SMAD9: variants seen among roughly 807,000 people sequenced by gnomAD.
The protein encoded by SMAD9 is MAD homolog 9.
A neutral mutation model predicts 46.1 loss-of-function variants in SMAD9; 36 were observed. That is an observed-to-expected ratio of 0.78 (90% CI 0.60 to 1.03). The LOEUF is 1.03. Ranked by LOEUF, SMAD9 falls within the 50% of genes least tolerant of loss-of-function variation. The pLI, the probability that SMAD9 is intolerant of heterozygous loss-of-function variation, is 0.00. For missense variants in SMAD9, 572 were observed against 599.8 expected (o/e 0.95, Z 0.48); for synonymous variants, 245 against 237.1 (o/e 1.03, Z -0.31).
intron 1 of SMAD9, among the ~76,000 whole-genome samples, chr13:36,919,853 G>A (rs1387774622): frequency 3.0e-5 from 3 of 99,696 alleles, no homozygotes; most frequent in Non-Finnish European, 5.7e-5. Flanking sequence ...ACCCCAGACA[G>A]GCTCCACCAA....
intron 1 of SMAD9, among the ~76,000 whole-genome samples, chr13:36,917,945 A>C (rs2058711482): frequency 6.6e-6 from 1 of 152,112 alleles, no homozygotes; most frequent in Non-Finnish European, 1.5e-5. Context: ...TTTATGAAAC[A>C]ATTTCTGGAC....
intron 3 of SMAD9, among the ~76,000 whole-genome samples, chr13:36,869,123 G>T (rs2058263858): frequency 6.6e-6 from 1 of 152,112 alleles, no homozygotes; most frequent in African/African-American, 2.4e-5. Flanking sequence ...GGGAAATACG[G>T]AGCTATTGTT....
intron 6 of SMAD9, chr13:36,852,043 C>T (rs879408021): frequency 3.2e-5 from 31 of 971,472 alleles, no homozygotes; most frequent in African/African-American, 1.4e-4. Flanking sequence ...GAAAAGATTT[C>T]GAAGTTATTT....
chr13:36,881,685 A>C (rs1390006730), intron 1 of SMAD9, among the ~76,000 whole-genome samples: 1 of 152,160 alleles, frequency 6.6e-6, no homozygotes, highest in Non-Finnish European at 1.5e-5. Flanking sequence ...TTTGACTTAC[A>C]CTCAGTTTTA....
intron 3 of SMAD9, among the ~76,000 whole-genome samples, chr13:36,871,741 T>C (rs906732124): frequency 3.9e-5 from 6 of 152,162 alleles, no homozygotes; most frequent in Non-Finnish European, 8.8e-5. Flanking sequence ...AGGAACTAAG[T>C]AACTGAGAGG....
intron 4 of SMAD9, among the ~76,000 whole-genome samples, chr13:36,866,459 CCTT>C (rs1034593838): frequency 6.6e-6 from 1 of 152,086 alleles, no homozygotes; most frequent in Admixed American, 6.6e-5. Context: ...GTTCAGAGTT[CCTT>C]CTTTCTTTGC....
At chr13:36,852,318 T>C (rs1007957190) in intron 6 of SMAD9, 2 of 985,232 alleles carry the variant, frequency 2.0e-6, no homozygotes, top group Non-Finnish European at 1.2e-6. Context: ...CTGGATGGAA[T>C]CATGGCAGTA....
intron 1 of SMAD9, among the ~76,000 whole-genome samples, chr13:36,908,336 A>G (rs188482100): frequency 9.8e-5 from 15 of 152,340 alleles, no homozygotes; most frequent in African/African-American, 3.4e-4. Flanking sequence ...GTCAAAACAA[A>G]TAATTAAATA....
At chr13:36,858,951 T>A (rs756186678) in intron 5 of SMAD9, among the ~76,000 whole-genome samples, 20 of 152,100 alleles carry the variant, frequency 1.3e-4, no homozygotes, top group Non-Finnish European at 2.8e-4. Context: ...GCTCAAGCAA[T>A]CCACCCACCT....
At chr13:36,876,637 A>C (rs981879802) in intron 2 of SMAD9, among the ~76,000 whole-genome samples, 6 of 152,234 alleles carry the variant, frequency 3.9e-5, no homozygotes, top group African/African-American at 1.4e-4. Flanking sequence ...TTAAAAAAAT[A>C]AAAACTGATC....
intron 1 of SMAD9, among the ~76,000 whole-genome samples, chr13:36,907,874 C>T (rs1456534764): frequency 1.3e-5 from 2 of 152,120 alleles, no homozygotes; most frequent in South Asian, 2.1e-4. Flanking sequence ...AATGTGCCAT[C>T]GGTACCTGGA....
intron 1 of SMAD9, 128 bp from the exon 2 acceptor site, chr13:36,880,003 A>AG (rs1228546169): frequency 2.5e-6 from 1 of 399,260 alleles, no homozygotes; most frequent in Non-Finnish European, 4.7e-6. Context: ...GCTCGAGCCC[A>AG]GGAGGTCAAG....
At chr13:36,891,653 C>A (rs1272520280) in intron 1 of SMAD9, among the ~76,000 whole-genome samples, 1 of 152,186 alleles carries the variant, frequency 6.6e-6, no homozygotes, top group Non-Finnish European at 1.5e-5. Flanking sequence ...CTGGCACCCA[C>A]AGGACAGCTT....
chr13:36,875,593 C>T (rs936485265), intron 2 of SMAD9, among the ~76,000 whole-genome samples: 3 of 152,174 alleles, frequency 2.0e-5, no homozygotes, highest in Non-Finnish European at 4.4e-5. Flanking sequence ...TTATGTGCCT[C>T]ATGAATAGTC....
At chr13:36,917,325 C>T (rs2058706074) in intron 1 of SMAD9, among the ~76,000 whole-genome samples, 1 of 151,766 alleles carries the variant, frequency 6.6e-6, no homozygotes, top group African/African-American at 2.4e-5. Flanking sequence ...AGGACATGGA[C>T]ATTCACCAGG....
intron 1 of SMAD9, among the ~76,000 whole-genome samples, chr13:36,881,397 G>T (rs1593592289): frequency 6.6e-6 from 1 of 152,204 alleles, no homozygotes; most frequent in East Asian, 1.9e-4. Flanking sequence ...TTTCTCCTTT[G>T]CTTCCCTGGA....
In SMAD9 at chr13:36,905,062, G is replaced by A. The variant is rs537997939; in HGVS notation, c.-187+15054C>T. On this transcript the variant is annotated intron_variant, in intron 1 of 6. Coordinates refer to ENST00000379826, the MANE Select transcript of SMAD9 (RefSeq NM_001127217.3). ...AGACGGAGATGATTTTGCCCCCCAC[G>A]GGACATCTGGCAATGCCTACAGAAA... is the stretch of plus-strand genomic sequence containing the variant. Among the ~76,000 whole-genome samples the A allele has an allele frequency of 5.3e-5, 8 of 152,236 alleles. No homozygotes were observed. In the East Asian group the frequency reaches 1.4e-3, roughly 26 times the overall value.
rs1353127813 is a variant in SMAD9, at chr13:36,845,988, G to A, written c.*2688C>T. The stretch of plus-strand genomic sequence containing the variant: ...CTTGATTTTTGTTTAGAGACAGGGT[G>A]TCACTTTGTCACCCAGGCTAGAATG... On this transcript the variant is annotated 3_prime_UTR_variant, in exon 7 of 7. Transcript: ENST00000379826. 1.3e-5 allele frequency: 2 copies of A among 151,990 alleles called. No individual in the cohort carries two copies. The highest frequency in any genetic ancestry group is 1.3e-4 in the Admixed American group (2 of 15,264). The allele number at this position is 151,990 out of a possible 1,614,324, so 9.4% of individuals were successfully genotyped here.
At chr13:36,890,408 CTTTAAGAAT>C (rs2058480272) in intron 1 of SMAD9, among the ~76,000 whole-genome samples, 1 of 152,192 alleles carries the variant, frequency 6.6e-6, no homozygotes, top group African/African-American at 2.4e-5. Context: ...ATCCTTAAAA[CTTTAAGAAT>C]TATACAACTG....
Sources: allele counts gnomAD v4.1 joint callset (sites outside exome capture counted in the v4.1 genomes callset), GRCh38; gene constraint gnomAD v4.1.1; transcripts MANE v1.5; gene names NCBI Gene and HGNC (gene_info 2026-07-23, HGNC 2026-07-21).